GATM: variants seen among roughly 807,000 people sequenced by gnomAD.
GATM encodes the protein glycine amidinotransferase, mitochondrial.
A neutral mutation model predicts 54.2 loss-of-function variants in GATM; 23 were observed. That is an observed-to-expected ratio of 0.42 (90% CI 0.31 to 0.60). The LOEUF (loss-of-function observed/expected upper bound fraction) is 0.60, where lower values mean the gene tolerates loss of function less well. GATM is among the 20% of genes least tolerant of loss of function. The probability of loss-of-function intolerance (pLI) is 0.14; values close to 1 mark genes in which losing one functional copy is unlikely to be tolerated. For missense variants in GATM, 401 were observed against 544.9 expected, an observed-to-expected ratio of 0.74 and a Z score of 2.63; for synonymous variants, 168 against 183.1, an observed-to-expected ratio of 0.92 and a Z score of 0.67.
intron 8 of GATM, among the ~76,000 whole-genome samples, chr15:45,362,760 A>G (rs1313450111): frequency 1.3e-5 from 2 of 152,204 alleles, no homozygotes; most frequent in Non-Finnish European, 2.9e-5. Flanking sequence ...CAAATCCAAC[A>G]ATCAGTTTAA....
At chr15:45,378,084 G>T in intron 1 of GATM, 1 of 350,078 alleles carries the variant, frequency 2.9e-6, no homozygotes. Context: ...GTAGAGGGGG[G>T]CGGCGCCCCC....
At chr15:45,399,004 A>G (rs1326716017) in intron 2 of GATM, among the ~76,000 whole-genome samples, 1 of 152,200 alleles carries the variant, frequency 6.6e-6, no homozygotes, top group East Asian at 1.9e-4. Context: ...TTTTATAGTT[A>G]ATTAAAAATT....
At chr15:45,394,535 C>T (rs754553211) in intron 3 of GATM, among the ~76,000 whole-genome samples, 3 of 152,146 alleles carry the variant, frequency 2.0e-5, no homozygotes, top group Non-Finnish European at 4.4e-5. Flanking sequence ...TCTATCTGGG[C>T]GTAGTGTGTT....
intron 2 of GATM, among the ~76,000 whole-genome samples, chr15:45,375,020 T>A (rs948409311): frequency 3.9e-5 from 6 of 152,292 alleles, no homozygotes; most frequent in African/African-American, 1.4e-4. Flanking sequence ...CACCAGCCCA[T>A]AGAGGCCCTG....
At chr15:45,398,720 C>G (rs1052838579) in intron 2 of GATM, among the ~76,000 whole-genome samples, 2 of 152,160 alleles carry the variant, frequency 1.3e-5, no homozygotes, top group Non-Finnish European at 2.9e-5. Context: ...CTCTATTCAT[C>G]TATTACAACT....
chr15:45,380,336 AG>A (rs1889724511), upstream of GATM: 1 of 151,780 alleles, frequency 6.6e-6, no homozygotes, highest in Non-Finnish European at 1.5e-5. Context: ...TGGTGAAAGG[AG>A]TAAGTCTAGG....
chr15:45,366,042 T>C lies in GATM; in HGVS notation c.978+4A>G, dbSNP rs370363696. On this transcript the variant is annotated splice_donor_region_variant and intron_variant, in intron 6 of 8. Coordinates refer to ENST00000396659, the MANE Select transcript of GATM (RefSeq NM_001482.3). ...CTTTTCCAGAGTCCCAAGAAATCTCTTACCTGGTGACATGGTCGGTCAGGG... is the reference window on the plus strand; with the variant it reads ...CTTTTCCAGAGTCCCAAGAAATCTCCTACCTGGTGACATGGTCGGTCAGGG... 6.2e-7 allele frequency: 1 copy of C among 1,613,912 alleles called. No homozygotes were observed. Among genetic ancestry groups the C allele is most frequent in the African/African-American group, 1.3e-5 (1 of 75,046 alleles).
At position 45,362,005 on chromosome 15, in the gene GATM, T is replaced by C. The variant is rs886051201; in HGVS notation, c.*104A>G. ...ACGACCCCTGTTAAGGAGATGATTG[T>C]TTAAAGCACTACAGTTCATGCACTT... On this transcript the variant is annotated 3_prime_UTR_variant, in exon 9 of 9. Coordinates refer to ENST00000396659, the MANE Select transcript of GATM (RefSeq NM_001482.3). 2.7e-6 allele frequency: 2 copies of C among 751,564 alleles called. No individual in the cohort carries two copies. The highest frequency in any genetic ancestry group is 4.8e-6 in the Non-Finnish European group (2 of 415,744). 46.6% of individuals were successfully genotyped at this position (751,564 alleles called of 1,614,324 possible).
intron 2 of GATM, among the ~76,000 whole-genome samples, chr15:45,375,874 C>G (rs981566470): frequency 5.3e-5 from 8 of 152,236 alleles, no homozygotes; most frequent in African/African-American, 1.9e-4. Flanking sequence ...ACTTGGATTG[C>G]AGCTGCCAGG....
intron 3 of GATM, among the ~76,000 whole-genome samples, chr15:45,385,381 CCAA>C (rs1889793016): frequency 6.6e-6 from 1 of 152,094 alleles, no homozygotes; most frequent in African/African-American, 2.4e-5. Context: ...GATTGAATGA[CCAA>C]CAACAATTAA....
chr15:45,401,556 G>A (rs1466235383), intron 1 of GATM, among the ~76,000 whole-genome samples: 1 of 126,960 alleles, frequency 7.9e-6, no homozygotes, highest in Non-Finnish European at 1.5e-5. Context: ...AAAGGGAAAG[G>A]CAGAAAGCAG....
At chr15:45,395,512 C>T (rs922348283) in intron 3 of GATM, among the ~76,000 whole-genome samples, 4 of 152,066 alleles carry the variant, frequency 2.6e-5, no homozygotes, top group Non-Finnish European at 4.4e-5. Context: ...AAAAGAGGTA[C>T]AAATTCCCAA....
upstream of GATM, chr15:45,380,153 G>GT (rs1889719236): frequency 1.3e-5 from 1 of 79,892 alleles, no homozygotes; most frequent in East Asian, 3.9e-4. Context: ...AAAAAAAAAA[G>GT]CCGGGCATGG....
chr15:45,361,914 A>T lies in GATM; in HGVS notation c.*195T>A. The T allele has an allele frequency of 1.7e-6, 1 of 589,520 alleles. No individual in the cohort carries two copies. The highest frequency in any genetic ancestry group is 2.8e-5 in the East Asian group (1 of 36,082). 36.5% of individuals were successfully genotyped at this position (589,520 alleles called of 1,614,324 possible). ...AAATAGTAAATAACTTTAGGAGTAG[A>T]GAGTAATACCTAGCAGAAGTTATTT... On this transcript the variant is annotated 3_prime_UTR_variant, in exon 9 of 9. Coordinates refer to ENST00000396659, the MANE Select transcript of GATM (RefSeq NM_001482.3).
intron 5 of GATM, 47 bp downstream of exon 5, chr15:45,366,324 A>G (rs1889447864): frequency 1.2e-6 from 2 of 1,612,086 alleles, no homozygotes; most frequent in Admixed American, 3.3e-5. Context: ...TTGGAAGTAA[A>G]GAATACAATA....
chr15:45,369,164 A>AT (rs2140646271), intron 3 of GATM, among the ~76,000 whole-genome samples, 162 bp downstream of exon 3: 1 of 152,366 alleles, frequency 6.6e-6, no homozygotes, highest in Non-Finnish European at 1.5e-5. Context: ...CATCTTAATC[A>AT]TATCAACATG....
chr15:45,367,400 G>A (rs554063695), intron 4 of GATM, among the ~76,000 whole-genome samples: 28 of 151,146 alleles, frequency 1.9e-4, no homozygotes, highest in African/African-American at 5.8e-4. Context: ...TCCATGAACC[G>A]TACGGAAAGT....
In GATM at chr15:45,376,653, A is replaced by G. The variant is rs1466542087; in HGVS notation, c.236T>C (p.Ile79Thr). The G allele has an allele frequency of 6.2e-7, 1 of 1,613,990 alleles. No individual in the cohort carries two copies. Among genetic ancestry groups the G allele is most frequent in the Non-Finnish European group, 8.5e-7 (1 of 1,180,034 alleles). Residue 79 changes from isoleucine (I) to threonine (T), a missense_variant, in exon 2 of 9, where the codon ATA becomes ACA. Coordinates refer to ENST00000396659, the MANE Select transcript of GATM (RefSeq NM_001482.3). ...ACAGGCGTTTTCTGCTCTGCCCACT[A>G]TCACTTCCTCTAAGGGGTCCCATTC... is the stretch of plus-strand genomic sequence containing the variant. ...YNEWDPLEEV[I>T]VGRAENACVP... is the part of the protein sequence containing the mutation.
intron 2 of GATM, among the ~76,000 whole-genome samples, chr15:45,372,436 A>G (rs565451370): frequency 1.3e-5 from 2 of 152,352 alleles, no homozygotes; most frequent in South Asian, 4.1e-4. Flanking sequence ...TCAAAAAACA[A>G]AATAAAAGCA....
Sources: gnomAD v4.1 joint callset for allele counts (sites outside exome capture counted in the v4.1 genomes callset) on GRCh38, gnomAD v4.1.1 for gene constraint, MANE v1.5 for transcripts, NCBI Gene and HGNC (gene_info 2026-07-23, HGNC 2026-07-21) for gene names.